The following SLC51A variants were observed in gnomAD, a reference collection of about 807,000 sequenced individuals.
The protein encoded by SLC51A is organic solute transporter subunit alpha.
Under a neutral mutation model 34.8 loss-of-function variants are expected in SLC51A, and 22 were observed. That is an observed-to-expected ratio of 0.63 (90% CI 0.45 to 0.90). SLC51A has a LOEUF of 0.90. Ranked by LOEUF, SLC51A falls within the 40% of genes least tolerant of loss-of-function variation. The pLI, the probability that SLC51A is intolerant of heterozygous loss-of-function variation, is 0.00. For missense variants in SLC51A, 371 were observed against 414.8 expected (o/e 0.89, Z 0.92); for synonymous variants, 181 against 176.3 (o/e 1.03, Z -0.21).
intron 7 of SLC51A, 116 bp from the exon 8 acceptor site, chr3:196,232,303 T>C (rs1724043474): frequency 2.8e-6 from 2 of 711,908 alleles, no homozygotes; most frequent in Non-Finnish European, 5.0e-6. Context: ...ACTGCACAGA[T>C]CTGACGGTGG....
intron 2 of SLC51A, among the ~76,000 whole-genome samples, chr3:196,226,272 T>A (rs1723890534): frequency 6.6e-6 from 1 of 151,934 alleles, no homozygotes; most frequent in African/African-American, 2.4e-5. Flanking sequence ...CAGTGAGCCA[T>A]GATCACACCA....
Position 196,216,656 on chromosome 3 carries a change from G to T in SLC51A, c.-57G>T. The T allele has an allele frequency of 3.4e-6, 4 of 1,181,238 alleles. No individual in the cohort carries two copies. Among genetic ancestry groups the T allele is most frequent in the Non-Finnish European group, 4.7e-6 (4 of 844,606 alleles). 73.2% of individuals were successfully genotyped at this position (1,181,238 alleles called of 1,614,324 possible). ...CCCTGCCCCCGGCCCCCACCTGCCC[G>T]CCCCGCCTGCCCTTCCTCACCCCGG... On this transcript the variant is annotated 5_prime_UTR_variant, in exon 1 of 9. Transcript: ENST00000296327. This position sits in a 1 kb window ranked among gnomAD's most constrained non-coding sequence, Gnocchi z 4.5.
At chr3:196,227,296 G>A in intron 3 of SLC51A, 177 bp downstream of exon 3, 1 of 662,370 alleles carries the variant, frequency 1.5e-6, no homozygotes, top group Admixed American at 2.9e-5. Flanking sequence ...TTGGAAGGCT[G>A]TGCAGTGTTT....
intron 2 of SLC51A, among the ~76,000 whole-genome samples, chr3:196,218,353 G>A (rs1205263044): frequency 6.6e-6 from 1 of 152,232 alleles, no homozygotes; most frequent in South Asian, 2.1e-4. Flanking sequence ...GTTACGGTGA[G>A]TGACGTGCTT....
intron 2 of SLC51A, among the ~76,000 whole-genome samples, chr3:196,220,159 C>A (rs1307935395): frequency 6.6e-6 from 1 of 152,210 alleles, no homozygotes; most frequent in South Asian, 2.1e-4. Context: ...GCCCGCTGCG[C>A]GCCGGGCTGG....
intron 4 of SLC51A, 142 bp downstream of exon 4, chr3:196,227,879 C>T (rs1195132586): frequency 1.1e-6 from 1 of 942,260 alleles, no homozygotes; most frequent in Non-Finnish European, 1.6e-6. Context: ...GCTCCTGGCT[C>T]TGCTCAGGGA....
intron 2 of SLC51A, among the ~76,000 whole-genome samples, chr3:196,219,228 T>G (rs1392311611): frequency 6.7e-6 from 1 of 150,118 alleles, no homozygotes; most frequent in Non-Finnish European, 1.5e-5. Flanking sequence ...AGACTCCGTC[T>G]CAAAAATAAA....
intron 8 of SLC51A, 172 bp from the exon 9 acceptor site, chr3:196,232,891 T>C: frequency 1.5e-6 from 1 of 686,370 alleles, no homozygotes; most frequent in Middle Eastern, 4.2e-4. Flanking sequence ...CAACTTCCGG[T>C]TCTGGCTCTA....
Position 196,222,561 on chromosome 3 carries a change from C to T in SLC51A, c.134-4404C>T, listed in dbSNP as rs1017262089. Among the ~76,000 whole-genome samples, 7 of 150,764 alleles carry T rather than the reference C, an allele frequency of 4.6e-5. 1 individual carries two copies. The East Asian group carries it at 5.8e-4, about 13-fold the overall frequency. On this transcript the variant is annotated intron_variant, in intron 2 of 8. Transcript: ENST00000296327. ...GAGGCAGAAGAATTGCTTGGATCCA[C>T]GAGGCGGAGCTTGCAGTAAGCCGAG...
chr3:196,231,205 G>A (rs1366735431), intron 7 of SLC51A, among the ~76,000 whole-genome samples: 1 of 152,178 alleles, frequency 6.6e-6, no homozygotes, highest in Non-Finnish European at 1.5e-5. Context: ...AGGCACATAA[G>A]GAACGGGGCT....
At chr3:196,224,692 C>T (rs1044953670) in intron 2 of SLC51A, among the ~76,000 whole-genome samples, 3 of 23,560 alleles carry the variant, frequency 1.3e-4, no homozygotes, top group East Asian at 9.8e-3. Context: ...GAGAAGGGGG[C>T]GGGGCGGGGG....
intron 6 of SLC51A, among the ~76,000 whole-genome samples, chr3:196,229,439 C>T (rs1019913161): frequency 3.4e-5 from 5 of 145,898 alleles, no homozygotes; most frequent in African/African-American, 7.6e-5. Flanking sequence ...AGTGCAGTAG[C>T]GCATCTCGGC....
rs187464423 is a variant in SLC51A at position 196,217,739 on chromosome 3, A to G, written c.39-103A>G. 13 of 814,782 alleles carry G rather than the reference A, an allele frequency of 1.6e-5. No individual in the cohort carries two copies. The Admixed American group carries it at 3.1e-4, about 19-fold the overall frequency. The allele number at this position is 814,782 out of a possible 1,614,324, so 50.5% of individuals were successfully genotyped here. A position where few individuals can be genotyped will look rare whatever the true frequency, so the allele number is the denominator to read the frequency against. On this transcript the variant is annotated intron_variant, in intron 1 of 8. Coordinates refer to ENST00000296327, the MANE Select transcript of SLC51A (RefSeq NM_152672.6). ...GAGAGAGAAAGAGGCCCTGAGGGGAAATGGACAAAGTCCTGCACTCAGGAG... is the reference window on the plus strand; with the variant it reads ...GAGAGAGAAAGAGGCCCTGAGGGGAGATGGACAAAGTCCTGCACTCAGGAG...
At chr3:196,227,943 T>G in intron 4 of SLC51A, 172 bp from the exon 5 acceptor site, 1 of 998,460 alleles carries the variant, frequency 1.0e-6, no homozygotes, top group Non-Finnish European at 1.5e-6. Context: ...GTTCCCACAG[T>G]CTGAAATTCC....
At chr3:196,227,310 T>C in intron 3 of SLC51A, 191 bp downstream of exon 3, 2 of 628,394 alleles carry the variant, frequency 3.2e-6, no homozygotes, top group Non-Finnish European at 5.5e-6. Flanking sequence ...AGTGTTTGCA[T>C]TCTAAGGGCT....
At chr3:196,222,612 C>T (rs980551677) in intron 2 of SLC51A, among the ~76,000 whole-genome samples, 4 of 147,656 alleles carry the variant, frequency 2.7e-5, no homozygotes, top group African/African-American at 5.0e-5. Flanking sequence ...CCCAGCCTGG[C>T]GACAGAGTAA....
At chr3:196,224,803 G>A (rs1229321095) in intron 2 of SLC51A, among the ~76,000 whole-genome samples, 1 of 150,356 alleles carries the variant, frequency 6.7e-6, no homozygotes, top group Non-Finnish European at 1.5e-5. Context: ...TTGTCTGCAA[G>A]TGGAGGAGAG....
intron 2 of SLC51A, among the ~76,000 whole-genome samples, chr3:196,220,379 C>T (rs1188855881): frequency 1.3e-5 from 2 of 152,166 alleles, no homozygotes; most frequent in African/African-American, 4.8e-5. Flanking sequence ...GGCGGATCAT[C>T]TGCGGTCAAG....
Position 196,229,913 on chromosome 3 carries a change from A to G in SLC51A, c.634-2A>G. On this transcript the variant is annotated splice_acceptor_variant, in intron 6 of 8. Coordinates refer to ENST00000296327, the MANE Select transcript of SLC51A (RefSeq NM_152672.6). LOFTEE classifies it high-confidence loss of function. ...TCACTGACTACTTTCTGTTGCCACC[A>G]GATTTCTGAGGGGAGCACAGCTCTA... is the stretch of plus-strand genomic sequence containing the variant. The G allele has an allele frequency of 6.3e-7, 1 of 1,594,534 alleles. No homozygotes were observed. The highest frequency in any genetic ancestry group is 8.5e-7 in the Non-Finnish European group (1 of 1,170,600).
Sources: gnomAD v4.1 joint callset for allele counts (sites outside exome capture counted in the v4.1 genomes callset) on GRCh38, gnomAD v4.1.1 for gene constraint, Gnocchi (gnomAD v3.1) non-coding constraint, MANE v1.5 for transcripts, NCBI Gene and HGNC (gene_info 2026-07-23, HGNC 2026-07-21) for gene names.